PSD3: variants seen among roughly 807,000 people sequenced by gnomAD.
PSD3 encodes the protein PH and SEC7 domain-containing protein 3.
A neutral mutation model predicts 105.5 loss-of-function variants in PSD3; 49 were observed. The observed-to-expected ratio is 0.46, with a 90% CI of 0.37 to 0.59. PSD3 has a LOEUF of 0.59. Ranked by LOEUF, PSD3 falls within the 20% of genes least tolerant of loss-of-function variation. PSD3 has a pLI of 0.00. For synonymous variants in PSD3, 557 were observed against 457.8 expected (o/e 1.22, Z -2.77); for missense variants, 1,561 against 1,263.8 (o/e 1.24, Z -3.57).
chr8:18,556,823 C>A (rs1801104832), intron 14 of PSD3, among the ~76,000 whole-genome samples: 1 of 152,180 alleles, frequency 6.6e-6, no homozygotes, highest in South Asian at 2.1e-4. Context: ...TTGAAAGAAG[C>A]AGAGCTACGA....
At chr8:18,891,580 A>G (rs1431063024) in intron 2 of PSD3, among the ~76,000 whole-genome samples, 1 of 152,134 alleles carries the variant, frequency 6.6e-6, no homozygotes, top group Non-Finnish European at 1.5e-5. Flanking sequence ...TAGAAAAGTC[A>G]TCTTTAAGAA....
chr8:18,553,164 G>C (rs1800877793), intron 15 of PSD3, among the ~76,000 whole-genome samples: 1 of 152,166 alleles, frequency 6.6e-6, no homozygotes, highest in Admixed American at 6.5e-5. Context: ...CAAAATAAAA[G>C]TATTTTTCCT....
At chr8:18,803,858 G>C (rs903250518) in intron 6 of PSD3, among the ~76,000 whole-genome samples, 2 of 152,030 alleles carry the variant, frequency 1.3e-5, no homozygotes, top group African/African-American at 4.8e-5. Context: ...ATGGACGGTG[G>C]TGACGGCTGG....
intron 8 of PSD3, among the ~76,000 whole-genome samples, chr8:18,781,511 T>C (rs527526829): frequency 6.6e-6 from 1 of 152,200 alleles, no homozygotes; most frequent in East Asian, 1.9e-4. Context: ...ACTTTGGGGG[T>C]AGGGTTGTAT....
At chr8:18,662,462 T>C (rs1179189624) in intron 9 of PSD3, among the ~76,000 whole-genome samples, 2 of 152,242 alleles carry the variant, frequency 1.3e-5, no homozygotes, top group Admixed American at 6.5e-5. Flanking sequence ...CAGTATCTAA[T>C]ATGTGACATT....
At chr8:18,758,820 A>G (rs1806271594) in intron 9 of PSD3, among the ~76,000 whole-genome samples, 1 of 152,138 alleles carries the variant, frequency 6.6e-6, no homozygotes, top group African/African-American at 2.4e-5. Flanking sequence ...TCAGCTGACA[A>G]GATAGGTTAA....
At chr8:18,792,665 G>A (rs1217185918) in intron 8 of PSD3, among the ~76,000 whole-genome samples, 1 of 152,152 alleles carries the variant, frequency 6.6e-6, no homozygotes, top group East Asian at 1.9e-4. Flanking sequence ...TCATTAAAAA[G>A]TCAGGAAACA....
intron 1 of PSD3, among the ~76,000 whole-genome samples, chr8:18,974,286 A>G (rs1239535119): frequency 2.0e-5 from 3 of 152,170 alleles, no homozygotes; most frequent in Admixed American, 2.0e-4. Context: ...GGGGAACAGG[A>G]TTCAAACCAA....
chr8:18,947,958 C>T (rs10101548), intron 1 of PSD3, among the ~76,000 whole-genome samples: 5 of 151,966 alleles, frequency 3.3e-5, no homozygotes, highest in Non-Finnish European at 4.4e-5. Context: ...CCTTCACTAA[C>T]ACAGCAGTAA....
intron 11 of PSD3, among the ~76,000 whole-genome samples, chr8:18,628,510 G>A (rs997243948): frequency 1.3e-5 from 2 of 151,714 alleles, no homozygotes; most frequent in African/African-American, 4.8e-5. Flanking sequence ...TAAAATTAAG[G>A]TGAAAATAAA....
At chr8:18,840,461 C>T (rs1814527659) in intron 4 of PSD3, among the ~76,000 whole-genome samples, 1 of 152,176 alleles carries the variant, frequency 6.6e-6, no homozygotes, top group Admixed American at 6.5e-5. Flanking sequence ...CATTTGTCCC[C>T]ACTGTCATTC....
chr8:18,849,639 G>A (rs1017843246), intron 4 of PSD3: 3 of 152,158 alleles, frequency 2.0e-5, no homozygotes, highest in African/African-American at 7.2e-5. Flanking sequence ...ATCATTCGGA[G>A]GCGCTACAGT....
chr8:18,722,737 C>T (rs1386984341), intron 9 of PSD3, among the ~76,000 whole-genome samples: 2 of 152,138 alleles, frequency 1.3e-5, no homozygotes, highest in Non-Finnish European at 2.9e-5. Context: ...GCCTGGGATG[C>T]CCTGAGGCTG....
At chr8:18,601,163 A>C (rs534687864) in intron 11 of PSD3, among the ~76,000 whole-genome samples, 3 of 152,332 alleles carry the variant, frequency 2.0e-5, no homozygotes, top group African/African-American at 7.2e-5. Flanking sequence ...AGAAGTCCTT[A>C]GATTTCTTCT....
At chr8:18,733,374 G>A (rs878870108) in intron 9 of PSD3, 2 of 152,370 alleles carry the variant, frequency 1.3e-5, no homozygotes, top group South Asian at 4.1e-4. Flanking sequence ...TAAATGGAGG[G>A]GGTAATATAG....
At chr8:18,846,454 T>A (rs1224783936) in intron 4 of PSD3, among the ~76,000 whole-genome samples, 1 of 152,176 alleles carries the variant, frequency 6.6e-6, no homozygotes, top group African/African-American at 2.4e-5. Flanking sequence ...CAGGGAAACA[T>A]GTTCCTTGTG....
At chr8:19,028,990 A>C (rs1827663962) in intron 1 of PSD3, among the ~76,000 whole-genome samples, 1 of 152,144 alleles carries the variant, frequency 6.6e-6, no homozygotes, top group African/African-American at 2.4e-5. Flanking sequence ...TATGTGAACT[A>C]CTTTTGAACT....
At chr8:18,789,757 G>T (rs1809519556) in intron 8 of PSD3, among the ~76,000 whole-genome samples, 1 of 152,156 alleles carries the variant, frequency 6.6e-6, no homozygotes, top group Admixed American at 6.5e-5. Context: ...CAACAGGATT[G>T]GAAACAAGAG....
chr8:18,621,105 C>T (rs1563388576), intron 11 of PSD3, among the ~76,000 whole-genome samples: 1 of 152,012 alleles, frequency 6.6e-6, no homozygotes, highest in Non-Finnish European at 1.5e-5. Flanking sequence ...TCCATTGTTC[C>T]TAGTCAAGAG....
Sources: allele counts gnomAD v4.1 joint callset (sites outside exome capture counted in the v4.1 genomes callset), GRCh38; gene constraint gnomAD v4.1.1; transcripts MANE v1.5; gene names NCBI Gene and HGNC (gene_info 2026-07-23, HGNC 2026-07-21).